Variants in HDAC4 observed in about 807,000 individuals in gnomAD.
HDAC4 encodes histone deacetylase A.
HDAC4 carries 16 observed loss-of-function variants against 135.1 expected under a neutral mutation model. That is an observed-to-expected ratio of 0.12 (90% CI 0.08 to 0.18). The LOEUF (loss-of-function observed/expected upper bound fraction) is 0.18, where lower values mean the gene tolerates loss of function less well. Ranked by LOEUF, HDAC4 falls within the 10% of genes least tolerant of loss-of-function variation. The pLI is 1.00. For missense variants in HDAC4, 1,143 were observed against 1,511.8 expected (o/e 0.76, Z 4.05); for synonymous variants, 685 against 653.4 (o/e 1.05, Z -0.74).
chr2:239,259,300 A>G (rs2049216711), intron 2 of HDAC4, among the ~76,000 whole-genome samples: 2 of 152,110 alleles, frequency 1.3e-5, no homozygotes, highest in African/African-American at 4.8e-5. Context: ...AATACACAAA[A>G]TTAGCCAGGC....
chr2:239,302,593 CA>C (rs1009642209), intron 2 of HDAC4, among the ~76,000 whole-genome samples: 37 of 152,374 alleles, frequency 2.4e-4, no homozygotes, highest in African/African-American at 8.9e-4. Context: ...CTTCCAGCGA[CA>C]CAGTGGGAGC....
In HDAC4 at chr2:239,379,154, G is replaced by C. The variant is rs77988363; in HGVS notation, c.-220+21824C>G. Reference sequence around the variant, plus strand: ...AGTCACTCCAGGAAGGCAGGAGCTGGGGGTGGAGGCCGCCAAGAAAAGCTG... The same window carrying C: ...AGTCACTCCAGGAAGGCAGGAGCTGCGGGTGGAGGCCGCCAAGAAAAGCTG... On this transcript the variant is annotated intron_variant, in intron 1 of 26. Coordinates refer to ENST00000543185, the MANE Select transcript of HDAC4 (RefSeq NM_001378414.1). Among the ~76,000 whole-genome samples, 1,236 of 152,316 alleles carry C rather than the reference G, an allele frequency of 8.1e-3. 13 individuals carry two copies. The highest frequency in any genetic ancestry group is 0.028 in the African/African-American group (1,183 of 41,564).
intron 19 of HDAC4, among the ~76,000 whole-genome samples, chr2:239,086,408 G>A (rs1157701511): frequency 1.3e-5 from 2 of 148,504 alleles, no homozygotes; most frequent in South Asian, 2.1e-4. Context: ...TATCTCTCAC[G>A]TACAGTCTCC....
chr2:239,267,311 C>T (rs568966671), intron 2 of HDAC4, among the ~76,000 whole-genome samples: 2 of 152,332 alleles, frequency 1.3e-5, no homozygotes, highest in Non-Finnish European at 2.9e-5. Flanking sequence ...CCGTCCATAT[C>T]ACACCAGACA....
chr2:239,284,195 A>T (rs1447095589), intron 2 of HDAC4, among the ~76,000 whole-genome samples: 1 of 152,224 alleles, frequency 6.6e-6, no homozygotes, highest in East Asian at 1.9e-4. Flanking sequence ...ACTCTCCACC[A>T]GGACAGTGCC....
chr2:239,186,409 T>C (rs1310286269), intron 4 of HDAC4: 1 of 152,226 alleles, frequency 6.6e-6, no homozygotes, highest in East Asian at 1.9e-4. Context: ...AGAGTTTAAA[T>C]CATCCAAACA....
chr2:239,148,091 C>T (rs890963973), intron 7 of HDAC4, among the ~76,000 whole-genome samples: 1 of 152,168 alleles, frequency 6.6e-6, no homozygotes, highest in Non-Finnish European at 1.5e-5. Context: ...GGAAAGAACC[C>T]ATTGATGTAG....
At chr2:239,325,615 G>A (rs1031412224) in intron 2 of HDAC4, among the ~76,000 whole-genome samples, 1 of 152,166 alleles carries the variant, frequency 6.6e-6, no homozygotes, top group Non-Finnish European at 1.5e-5. Flanking sequence ...CATACGTGGT[G>A]GGCAGGAACA....
rs1174952951 is a variant in HDAC4, at chr2:239,262,974, G to A, written c.23-26310C>T. 6.6e-6 allele frequency among the ~76,000 whole-genome samples: 1 copy of A among 152,160 alleles called. No individual in the cohort carries two copies. Among genetic ancestry groups the A allele is most frequent in the Non-Finnish European group, 1.5e-5 (1 of 68,002 alleles). Reference sequence around the variant, plus strand: ...AAAGATCTACGCGTGAAGCCCCCGGGAAGCCAAGCCCCAGGAAGGGCCCAT... The same window carrying A: ...AAAGATCTACGCGTGAAGCCCCCGGAAAGCCAAGCCCCAGGAAGGGCCCAT... On this transcript the variant is annotated intron_variant, in intron 2 of 26. Coordinates refer to ENST00000543185, the MANE Select transcript of HDAC4 (RefSeq NM_001378414.1). The surrounding 1 kb of genome is among the most constrained non-coding windows in gnomAD (Gnocchi z 4.1).
chr2:239,343,633 C>A (rs932734178), intron 2 of HDAC4, among the ~76,000 whole-genome samples: 1 of 152,248 alleles, frequency 6.6e-6, no homozygotes, highest in African/African-American at 2.4e-5. Context: ...CCATGCCCAG[C>A]CCATCCCTCT....
intron 1 of HDAC4, among the ~76,000 whole-genome samples, chr2:239,366,519 A>G (rs1380215508): frequency 2.0e-5 from 3 of 152,234 alleles, no homozygotes; most frequent in African/African-American, 7.2e-5. Context: ...ATTCTGGCCT[A>G]TGATCTCTAG....
At chr2:239,296,875 G>A (rs2051927644) in intron 2 of HDAC4, among the ~76,000 whole-genome samples, 1 of 152,014 alleles carries the variant, frequency 6.6e-6, no homozygotes, top group South Asian at 2.1e-4. Flanking sequence ...TGTCAAAAGT[G>A]GACAGTCCTG....
chr2:239,326,379 G>C (rs1474578332), intron 2 of HDAC4, among the ~76,000 whole-genome samples: 2 of 152,224 alleles, frequency 1.3e-5, no homozygotes, highest in African/African-American at 4.8e-5. Context: ...AAACAGGATT[G>C]TTTACTAGGT....
intron 3 of HDAC4, among the ~76,000 whole-genome samples, chr2:239,234,853 T>C (rs1026204457): frequency 1.3e-5 from 2 of 152,164 alleles, no homozygotes; most frequent in African/African-American, 4.8e-5. Flanking sequence ...TTGGAAACTA[T>C]GCATATTTAC....
chr2:239,290,896 A>T (rs1420800766), intron 2 of HDAC4, among the ~76,000 whole-genome samples: 2 of 152,206 alleles, frequency 1.3e-5, no homozygotes, highest in Non-Finnish European at 2.9e-5. Flanking sequence ...GGCTTCGCTC[A>T]TTCACTCAGG....
At chr2:239,210,881 GA>G (rs1421923068) in intron 3 of HDAC4, among the ~76,000 whole-genome samples, 1 of 152,142 alleles carries the variant, frequency 6.6e-6, no homozygotes, top group Admixed American at 6.6e-5. Context: ...CCTTCCACGG[GA>G]CAAGGACGAA....
intron 2 of HDAC4, among the ~76,000 whole-genome samples, chr2:239,261,934 C>A (rs541932733): frequency 6.6e-6 from 1 of 152,202 alleles, no homozygotes; most frequent in African/African-American, 2.4e-5. Flanking sequence ...GGAGGGTCCT[C>A]GGGTTGCCTG....
intron 1 of HDAC4, among the ~76,000 whole-genome samples, chr2:239,389,592 G>A (rs915510901): frequency 6.6e-6 from 1 of 152,130 alleles, no homozygotes; most frequent in Admixed American, 6.5e-5. Flanking sequence ...TGCCCTCCTA[G>A]AGGCCCGCTA....
intron 3 of HDAC4, among the ~76,000 whole-genome samples, chr2:239,212,653 G>A (rs2046406430): frequency 6.6e-6 from 1 of 152,220 alleles, no homozygotes; most frequent in Admixed American, 6.5e-5. Context: ...CTGAGGGCAG[G>A]AGCGCCAGCA....
Sources: gnomAD v4.1 joint callset for allele counts (sites outside exome capture counted in the v4.1 genomes callset) on GRCh38, gnomAD v4.1.1 for gene constraint, Gnocchi (gnomAD v3.1) non-coding constraint, MANE v1.5 for transcripts, NCBI Gene and HGNC (gene_info 2026-07-23, HGNC 2026-07-21) for gene names.